NUP43: variants seen among roughly 807,000 people sequenced by gnomAD.
NUP43 encodes nucleoporin 43.
In NUP43, 32 loss-of-function variants were observed where a neutral mutation model predicts 47.3. That is an observed-to-expected ratio of 0.68 (90% confidence interval 0.51 to 0.91). The LOEUF (loss-of-function observed/expected upper bound fraction) is 0.91. Among genes scored for constraint, NUP43 ranks in the 40% least tolerant of loss-of-function variants. The pLI, the probability that NUP43 is intolerant of heterozygous loss-of-function variation, is 0.00. For synonymous variants in NUP43, 147 were observed against 158.4 expected, an observed-to-expected ratio of 0.93 and a Z score of 0.54; for missense variants, 444 against 453.9, an observed-to-expected ratio of 0.98 and a Z score of 0.20.
chr6:149,739,802 C>G (rs910780550), intron 4 of NUP43, among the ~76,000 whole-genome samples: 5 of 152,110 alleles, frequency 3.3e-5, no homozygotes, highest in African/African-American at 9.7e-5. Context: ...AGACTCATCC[C>G]AAATCTACTC....
chr6:149,727,527 A>AC, intron 7 of NUP43: 1 of 984,248 alleles, frequency 1.0e-6, no homozygotes. Flanking sequence ...GAATAAGGAA[A>AC]GAAAAAAAAG....
At position 149,742,523 on chromosome 6, in the gene NUP43, G is replaced by A. The variant is rs773970737; in HGVS notation, c.369C>T (p.Gly123=). The A allele has an allele frequency of 3.7e-6, 6 of 1,614,146 alleles. No homozygotes were observed. Among genetic ancestry groups the A allele is most frequent in the Non-Finnish European group, 5.1e-6 (6 of 1,179,980 alleles). Reference sequence around the variant, plus strand: ...CACTGCTATAGGAAGGACTGCCAGGGCCTGTGTGGTAGTGAGCTGTAGTCC... The same window carrying A: ...CACTGCTATAGGAAGGACTGCCAGGACCTGTGTGGTAGTGAGCTGTAGTCC... ...QQWTTAHYHT[G]PGSPSYSSAP... The change falls in exon 4 of 8, where the codon GGC becomes GGT. Residue 123 remains glycine, a synonymous_variant. Coordinates refer to ENST00000340413, the MANE Select transcript of NUP43 (RefSeq NM_198887.3).
rs765730251 is a variant in NUP43, at chr6:149,724,709, A to T, written c.*2260T>A. The T allele has an allele frequency of 1.3e-5, 2 of 151,992 alleles. No individual in the cohort carries two copies. Among genetic ancestry groups the T allele is most frequent in the Non-Finnish European group, 2.9e-5 (2 of 68,014 alleles). 9.4% of individuals were successfully genotyped at this position (151,992 alleles called of 1,614,324 possible). ...AGCAATTCTCCTGCCTCAGCCTCCC[A>T]AGTAGCTGGGATTATAGATGCCTGC... is the stretch of plus-strand genomic sequence containing the variant. On this transcript the variant is annotated 3_prime_UTR_variant, in exon 8 of 8. Transcript: ENST00000340413.
At chr6:149,749,295 C>T (rs975719947), upstream of NUP43, 9 of 169,460 alleles carry the variant, frequency 5.3e-5, no homozygotes, top group Non-Finnish European at 9.9e-5. Flanking sequence ...CTCCACCGAC[C>T]CAAATATTAG....
At chr6:149,744,607 C>T (rs1033493243) in intron 2 of NUP43, among the ~76,000 whole-genome samples, 5 of 150,158 alleles carry the variant, frequency 3.3e-5, no homozygotes, top group African/African-American at 1.2e-4. Flanking sequence ...GGAGGCCAAG[C>T]CGGGTGGACC....
In NUP43 at chr6:149,738,578, A is replaced by G. The variant is rs1785483902; in HGVS notation, c.638+65T>C. On this transcript the variant is annotated intron_variant, in intron 5 of 7. Coordinates refer to ENST00000340413, the MANE Select transcript of NUP43 (RefSeq NM_198887.3). ...AAATTCAATATGGCTTAAAGCCAGT[A>G]GCTATAAACAACCTAACACATTAAT... The G allele has an allele frequency of 5.9e-6, 7 of 1,191,768 alleles. No individual in the cohort carries two copies. In the East Asian group the frequency reaches 1.6e-4, roughly 27 times the overall value. The allele number at this position is 1,191,768 out of a possible 1,614,324, so 73.8% of individuals were successfully genotyped here. A position where few individuals can be genotyped will look rare whatever the true frequency, so the allele number is the denominator to read the frequency against.
chr6:149,738,136 G>A (rs1445011894), intron 5 of NUP43, among the ~76,000 whole-genome samples: 1 of 152,156 alleles, frequency 6.6e-6, no homozygotes, highest in East Asian at 1.9e-4. Flanking sequence ...ATGGTAAGAT[G>A]TACAAATCAC....
At chr6:149,732,750 G>A (rs532090923) in intron 6 of NUP43, among the ~76,000 whole-genome samples, 3 of 152,038 alleles carry the variant, frequency 2.0e-5, no homozygotes, top group Admixed American at 6.6e-5. Context: ...GGAGGGTGAG[G>A]TAGGAGAATT....
intron 2 of NUP43, among the ~76,000 whole-genome samples, chr6:149,745,467 C>T (rs1167045843): frequency 6.6e-6 from 1 of 151,502 alleles, no homozygotes; most frequent in Non-Finnish European, 1.5e-5. Flanking sequence ...GAGACTTTGG[C>T]CAAGTTAAGT....
At chr6:149,743,808 T>C in intron 2 of NUP43, 93 bp from the exon 3 acceptor site, 1 of 703,788 alleles carries the variant, frequency 1.4e-6, no homozygotes, top group Non-Finnish European at 2.3e-6. Flanking sequence ...GCAAATCTTA[T>C]AACAATTTTA....
chr6:149,744,006 G>T lies in NUP43; in HGVS notation c.244-291C>A, dbSNP rs544527000. 7.2e-5 allele frequency among the ~76,000 whole-genome samples: 11 copies of T among 152,312 alleles called. No individual in the cohort carries two copies. The South Asian group carries it at 2.3e-3, about 32-fold the overall frequency. ...ATATTATTCCTGGCTGGGTGCAGTG[G>T]CTCACGCCTGTAATCCCAGCATTTT... On this transcript the variant is annotated intron_variant, in intron 2 of 7. Coordinates refer to ENST00000340413, the MANE Select transcript of NUP43 (RefSeq NM_198887.3).
intron 7 of NUP43, among the ~76,000 whole-genome samples, chr6:149,729,047 G>C (rs1261873532): frequency 6.6e-6 from 1 of 151,946 alleles, no homozygotes; most frequent in Non-Finnish European, 1.5e-5. Flanking sequence ...CTGGAGTGCA[G>C]TGGCGTGACC....
chr6:149,738,240 T>G (rs1254184512), intron 5 of NUP43, among the ~76,000 whole-genome samples: 2 of 152,188 alleles, frequency 1.3e-5, no homozygotes, highest in African/African-American at 4.8e-5. Flanking sequence ...ATGTAACTAT[T>G]TTTTCAGTGT....
chr6:149,743,260 C>T, intron 3 of NUP43, among the ~76,000 whole-genome samples: 1 of 151,636 alleles, frequency 6.6e-6, no homozygotes, highest in Middle Eastern at 3.2e-3. Flanking sequence ...CAAAAAAACC[C>T]TTAACATGAA....
intron 5 of NUP43, among the ~76,000 whole-genome samples, chr6:149,738,411 A>G (rs932666130): frequency 2.6e-5 from 4 of 152,206 alleles, no homozygotes; most frequent in African/African-American, 9.6e-5. Flanking sequence ...GTTCTCCATG[A>G]AATAATACAA....
In NUP43 at chr6:149,726,926, G is replaced by C; in HGVS notation, c.*43C>G. The C allele has an allele frequency of 1.3e-6, 2 of 1,493,634 alleles. No individual in the cohort carries two copies. The highest frequency in any genetic ancestry group is 9.3e-7 in the Non-Finnish European group (1 of 1,077,906). 92.5% of individuals were successfully genotyped at this position (1,493,634 alleles called of 1,614,324 possible). The stretch of plus-strand genomic sequence containing the variant: ...TTGCACAGAAGTTGGATTTCAAAAG[G>C]CTAATTGCATGTTCTATCTGAAATC... On this transcript the variant is annotated 3_prime_UTR_variant, in exon 8 of 8. Coordinates refer to ENST00000340413, the MANE Select transcript of NUP43 (RefSeq NM_198887.3).
intron 5 of NUP43, among the ~76,000 whole-genome samples, chr6:149,737,886 T>C (rs750763274): frequency 6.6e-6 from 1 of 152,138 alleles, no homozygotes; most frequent in Non-Finnish European, 1.5e-5. Context: ...AGACGGGGTT[T>C]CACTGTGTTG....
Position 149,736,639 on chromosome 6 carries a change from C to T in NUP43, c.639-17G>A, listed in dbSNP as rs1785375054. 1.3e-6 allele frequency: 2 copies of T among 1,562,766 alleles called. No homozygotes were observed. The highest frequency in any genetic ancestry group is 1.4e-5 in the African/African-American group (1 of 73,998). On this transcript the variant is annotated splice_polypyrimidine_tract_variant and intron_variant, in intron 5 of 7. Transcript: ENST00000340413. ...TCACCAGTCCTTTTGTGGGAGATAA[C>T]AATGACGTCAAAATCAAATAAAGTA... is the stretch of plus-strand genomic sequence containing the variant.
In NUP43 at chr6:149,726,898, A is replaced by AT. The variant is rs1418534499; in HGVS notation, c.*70dup. Reference sequence around the variant, plus strand: ...AAATCTCGTATTTTCTGATACTAAAATTTTGCACAGAAGTTGGATTTCAAA... The same window carrying AT: ...AAATCTCGTATTTTCTGATACTAAAATTTTTGCACAGAAGTTGGATTTCAAA... On this transcript the variant is annotated 3_prime_UTR_variant, in exon 8 of 8. Transcript: ENST00000340413. The AT allele has an allele frequency of 3.1e-4, 362 of 1,180,346 alleles. 1 individual carries two copies. In the African/African-American group the frequency reaches 5.0e-3, roughly 16 times the overall value. The allele number at this position is 1,180,346 out of a possible 1,614,324, so 73.1% of individuals were successfully genotyped here.
Sources: allele counts gnomAD v4.1 joint callset (sites outside exome capture counted in the v4.1 genomes callset), GRCh38; gene constraint gnomAD v4.1.1; transcripts MANE v1.5; gene names NCBI Gene and HGNC (gene_info 2026-07-23, HGNC 2026-07-21).